The following MAML3 variants were observed in gnomAD, a reference collection of about 807,000 sequenced individuals.
The protein encoded by MAML3 is mastermind-like protein 3.
In MAML3, 27 loss-of-function variants were observed where a neutral mutation model predicts 101.9. The ratio of observed to expected loss-of-function variants is 0.27; its 90% CI spans 0.20 to 0.37. The LOEUF (loss-of-function observed/expected upper bound fraction) is 0.37, where lower values mean the gene tolerates loss of function less well. Among genes scored for constraint, MAML3 ranks in the 10% least tolerant of loss-of-function variants. MAML3 has a pLI of 1.00. For synonymous variants in MAML3, 501 were observed against 555.9 expected, an observed-to-expected ratio of 0.90 and a Z score of 1.39; for missense variants, 1,316 against 1,444.9, an observed-to-expected ratio of 0.91 and a Z score of 1.45.
At chr4:140,057,271 T>A (rs1727365850) in intron 1 of MAML3, among the ~76,000 whole-genome samples, 1 of 152,066 alleles carries the variant, frequency 6.6e-6, no homozygotes, top group South Asian at 2.1e-4. Flanking sequence ...TTGTCTCTAT[T>A]ATATATATAT....
At chr4:139,737,886 G>A (rs1238918383) in intron 2 of MAML3, among the ~76,000 whole-genome samples, 3 of 152,312 alleles carry the variant, frequency 2.0e-5, no homozygotes, top group African/African-American at 4.8e-5. Flanking sequence ...GGATTAAAAG[G>A]TTTGTTTTGT....
At chr4:140,026,956 TTATG>T (rs1309339371) in intron 1 of MAML3, among the ~76,000 whole-genome samples, 1 of 152,154 alleles carries the variant, frequency 6.6e-6, no homozygotes, top group East Asian at 1.9e-4. Context: ...TCTTATATAA[TTATG>T]TGTGTTTCCA....
At chr4:139,957,370 C>A (rs182976856) in intron 1 of MAML3, among the ~76,000 whole-genome samples, 7 of 152,288 alleles carry the variant, frequency 4.6e-5, no homozygotes, top group Admixed American at 4.6e-4. Context: ...TCCAACCAGG[C>A]TCTGCTAGAC....
At chr4:140,066,168 T>A (rs1309341331) in intron 1 of MAML3, among the ~76,000 whole-genome samples, 2 of 152,178 alleles carry the variant, frequency 1.3e-5, no homozygotes, top group African/African-American at 4.8e-5. Context: ...AAAACTGGTG[T>A]GTATGAGAAG....
chr4:139,816,525 C>G (rs948615668), intron 2 of MAML3, among the ~76,000 whole-genome samples: 2 of 151,916 alleles, frequency 1.3e-5, no homozygotes. Context: ...GCCATGGCAG[C>G]GGTGGGGGAG....
chr4:139,864,102 A>G (rs971370380), intron 2 of MAML3, among the ~76,000 whole-genome samples: 1 of 152,238 alleles, frequency 6.6e-6, no homozygotes, highest in African/African-American at 2.4e-5. Flanking sequence ...TGTCAATGAC[A>G]TCACTATTGT....
intron 1 of MAML3, among the ~76,000 whole-genome samples, chr4:140,061,983 G>A (rs550536573): frequency 4.6e-5 from 7 of 152,172 alleles, no homozygotes; most frequent in Non-Finnish European, 5.9e-5. Flanking sequence ...GGAGGAGAAT[G>A]TACAGCAATC....
chr4:139,930,414 A>G (rs1448388252), intron 1 of MAML3, among the ~76,000 whole-genome samples: 15 of 152,222 alleles, frequency 9.9e-5, no homozygotes. Context: ...GCAAAGACGA[A>G]GAGGAACGGT....
chr4:139,967,670 C>T (rs974894742), intron 1 of MAML3, among the ~76,000 whole-genome samples: 29 of 152,144 alleles, frequency 1.9e-4, no homozygotes, highest in African/African-American at 6.7e-4. Context: ...CAGATGCAAG[C>T]AAATTACAAA....
intron 1 of MAML3, among the ~76,000 whole-genome samples, chr4:140,066,989 G>A (rs1727547091): frequency 6.6e-6 from 1 of 152,186 alleles, no homozygotes; most frequent in Non-Finnish European, 1.5e-5. Flanking sequence ...ATGTAAATGG[G>A]TTAGGGCCAG....
chr4:139,798,263 T>C (rs1730551498), intron 2 of MAML3, among the ~76,000 whole-genome samples: 1 of 152,208 alleles, frequency 6.6e-6, no homozygotes, highest in Non-Finnish European at 1.5e-5. Flanking sequence ...GTACTTGGAA[T>C]GAATGGTAAC....
intron 2 of MAML3, among the ~76,000 whole-genome samples, chr4:139,811,580 G>A (rs1411965131): frequency 6.6e-6 from 1 of 152,220 alleles, no homozygotes; most frequent in Non-Finnish European, 1.5e-5. Context: ...GCAGCTCCAA[G>A]TGGAAATATT....
intron 2 of MAML3, among the ~76,000 whole-genome samples, chr4:139,873,848 C>T (rs1560820795): frequency 6.6e-6 from 1 of 152,206 alleles, no homozygotes; most frequent in Non-Finnish European, 1.5e-5. Context: ...CTAAGCTGCT[C>T]CTGCATTCCC....
chr4:140,047,133 CA>C (rs112436074), intron 1 of MAML3, among the ~76,000 whole-genome samples: 4,125 of 152,138 alleles, frequency 0.027, 182 homozygotes, highest in African/African-American at 0.093. Context: ...AGGGAGAGAT[CA>C]GGGGAGAAAC....
chr4:140,135,722 C>T (rs1481201043), intron 1 of MAML3, among the ~76,000 whole-genome samples: 1 of 152,236 alleles, frequency 6.6e-6, no homozygotes, highest in Non-Finnish European at 1.5e-5. Context: ...AACTGGCTTG[C>T]CATGGCACCA....
chr4:140,103,872 G>T (rs536185327), intron 1 of MAML3, among the ~76,000 whole-genome samples: 1 of 152,220 alleles, frequency 6.6e-6, no homozygotes, highest in African/African-American at 2.4e-5. Flanking sequence ...ACCTTCAGTT[G>T]TGTTGGCTAC....
intron 1 of MAML3, among the ~76,000 whole-genome samples, chr4:139,934,699 A>G (rs1733471679): frequency 6.6e-6 from 1 of 152,188 alleles, no homozygotes; most frequent in African/African-American, 2.4e-5. Context: ...CCTAAAGAGT[A>G]TTCCTCAAGG....
intron 2 of MAML3, among the ~76,000 whole-genome samples, chr4:139,801,012 T>C (rs776739725): frequency 1.3e-5 from 2 of 152,244 alleles, no homozygotes; most frequent in Non-Finnish European, 2.9e-5. Context: ...GCCTGGTGCA[T>C]GTTGGGCTTC....
At chr4:140,018,336 T>C (rs528873007) in intron 1 of MAML3, among the ~76,000 whole-genome samples, 42 of 152,348 alleles carry the variant, frequency 2.8e-4, no homozygotes, top group Non-Finnish European at 5.3e-4. Context: ...AATACACATG[T>C]ATCTACTCAT....
Sources: allele counts gnomAD v4.1 joint callset (sites outside exome capture counted in the v4.1 genomes callset), GRCh38; gene constraint gnomAD v4.1.1; transcripts MANE v1.5; gene names NCBI Gene and HGNC (gene_info 2026-07-23, HGNC 2026-07-21).